SEC24B: variants seen among roughly 807,000 people sequenced by gnomAD.
The protein encoded by SEC24B is protein transport protein Sec24B.
A neutral mutation model predicts 142.8 loss-of-function variants in SEC24B; 45 were observed. The observed-to-expected ratio is 0.32, with a 90% CI of 0.25 to 0.40. The LOEUF is 0.40. Ranked by LOEUF, SEC24B falls within the 10% of genes least tolerant of loss-of-function variation. The probability of loss-of-function intolerance (pLI) is 1.00; values close to 1 mark genes in which losing one functional copy is unlikely to be tolerated. For missense variants in SEC24B, 1,409 were observed against 1,526.8 expected (o/e 0.92, Z 1.29); for synonymous variants, 574 against 568.2 (o/e 1.01, Z -0.15).
intron 1 of SEC24B, among the ~76,000 whole-genome samples, chr4:109,450,435 G>A (rs6817777): frequency 0.32 from 47,980 of 151,646 alleles, 9,314 homozygotes; most frequent in Non-Finnish European, 0.42. Flanking sequence ...AGAGGCGGGT[G>A]GATGATGAGT....
rs1731174014 is a variant in SEC24B at position 109,460,779 on chromosome 4, A to C, written c.134-2122A>C. Among the ~76,000 whole-genome samples, 10 of 150,740 alleles carry C rather than the reference A, an allele frequency of 6.6e-5. No homozygotes were observed. The South Asian group carries it at 2.1e-3, about 31-fold the overall frequency. On this transcript the variant is annotated intron_variant, in intron 1 of 23. Coordinates refer to ENST00000265175, the MANE Select transcript of SEC24B (RefSeq NM_006323.5). Reference sequence around the variant, plus strand: ...TGTAATATATTAATATATTAATATTAATAAGACTAATATTAGGATTAATGT... The same window carrying C: ...TGTAATATATTAATATATTAATATTCATAAGACTAATATTAGGATTAATGT...
intron 22 of SEC24B, among the ~76,000 whole-genome samples, chr4:109,534,228 A>G (rs1363300269): frequency 1.3e-5 from 2 of 151,832 alleles, no homozygotes; most frequent in African/African-American, 4.8e-5. Context: ...TGGATCAAAC[A>G]TTTAAACGTA....
intron 4 of SEC24B, among the ~76,000 whole-genome samples, chr4:109,488,091 T>C (rs1280094567): frequency 6.6e-6 from 1 of 152,184 alleles, no homozygotes; most frequent in Non-Finnish European, 1.5e-5. Flanking sequence ...GCCCATGATA[T>C]TTTTAATAGC....
At chr4:109,532,168 CT>C (rs781541523) in intron 20 of SEC24B, among the ~76,000 whole-genome samples, 2 of 152,064 alleles carry the variant, frequency 1.3e-5, no homozygotes, top group Non-Finnish European at 2.9e-5. Context: ...ATATTGACTG[CT>C]TTTGATAAGA....
rs78910716 is a variant in SEC24B, at chr4:109,530,228, C to G, written c.3077-61C>G. 8.9e-4 allele frequency: 1,276 copies of G among 1,440,334 alleles called. 12 individuals carry two copies. In the African/African-American group the frequency reaches 0.016, roughly 18 times the overall value. The allele number at this position is 1,440,334 out of a possible 1,614,324, so 89.2% of individuals were successfully genotyped here. ...CTTAAATAATGCGTATAAATTTTCT[C>G]TCTTATAGTGCCCATTGGATTCTAA... On this transcript the variant is annotated intron_variant, in intron 18 of 23. Coordinates refer to ENST00000265175, the MANE Select transcript of SEC24B (RefSeq NM_006323.5).
At position 109,510,054 on chromosome 4, in the gene SEC24B, A is replaced by G; in HGVS notation, c.1719A>G (p.Leu573=). Residue 573 remains leucine (L), a synonymous_variant, in exon 8 of 24, where the codon TTA becomes TTG. Coordinates refer to ENST00000265175, the MANE Select transcript of SEC24B (RefSeq NM_006323.5). Reference sequence around the variant, plus strand: ...CAAATATTCCACAGACACAGGCTTTACTGAATAAAGCTAAGCTTCCTTTAG... The same window carrying G: ...CAAATATTCCACAGACACAGGCTTTGCTGAATAAAGCTAAGCTTCCTTTAG... ...TLTNIPQTQA[L]LNKAKLPLGL... 2 of 1,610,680 alleles carry G rather than the reference A, an allele frequency of 1.2e-6. No individual in the cohort carries two copies. Among genetic ancestry groups the G allele is most frequent in the Non-Finnish European group, 1.7e-6 (2 of 1,178,764 alleles).
chr4:109,483,050 ATG>A lies in SEC24B; in HGVS notation c.1165+1271_1165+1272del, dbSNP rs1561117600. On this transcript the variant is annotated intron_variant, in intron 4 of 23. Transcript: ENST00000265175. ...TATATGTATTTATATATATGTATTT[ATG>A]TATTTATATATATATATATATGTAT... 6.0e-4 allele frequency among the ~76,000 whole-genome samples: 78 copies of A among 130,936 alleles called. 1 individual carries two copies. Among genetic ancestry groups the A allele is most frequent in the African/African-American group, 2.2e-3 (73 of 32,724 alleles). The allele number at this position is 130,936 out of a possible 152,430, so 85.9% of individuals were successfully genotyped here.
Position 109,524,818 on chromosome 4 carries a change from G to A in SEC24B, c.2509G>A (p.Val837Met). Residue 837 changes from valine (V) to methionine (M), a missense_variant and splice_region_variant, in exon 15 of 24, where the codon GTG becomes ATG. By Grantham distance (21) the Val-to-Met change is conservative. Around this residue, in one of 2 missense-constraint regions of SEC24B, gnomAD observed 700 missense variants for 853.3 expected, o/e 0.82. Coordinates refer to ENST00000265175, the MANE Select transcript of SEC24B (RefSeq NM_006323.5). ...EDPNQRSSTK[V>M]VQHLGPATDF... Reference sequence around the variant, plus strand: ...CTTACTATATGATCTGTTGACTTAGGTGGTACAACATCTTGGCCCTGCAAC... The same window carrying A: ...CTTACTATATGATCTGTTGACTTAGATGGTACAACATCTTGGCCCTGCAAC... The A allele has an allele frequency of 6.2e-7, 1 of 1,609,676 alleles. No individual in the cohort carries two copies. The highest frequency in any genetic ancestry group is 1.3e-5 in the African/African-American group (1 of 74,766).
chr4:109,501,647 T>C (rs1194389277), intron 6 of SEC24B, among the ~76,000 whole-genome samples: 1 of 152,132 alleles, frequency 6.6e-6, no homozygotes, highest in Non-Finnish European at 1.5e-5. Flanking sequence ...AATTTTTGTG[T>C]TTTTAATAGA....
At chr4:109,462,359 T>C (rs1240652717) in intron 1 of SEC24B, among the ~76,000 whole-genome samples, 1 of 152,072 alleles carries the variant, frequency 6.6e-6, no homozygotes, top group Non-Finnish European at 1.5e-5. Flanking sequence ...CCTAGCTAGG[T>C]GGTTCTGGCT....
chr4:109,466,447 G>T (rs1731875295), intron 2 of SEC24B, among the ~76,000 whole-genome samples: 1 of 152,218 alleles, frequency 6.6e-6, no homozygotes, highest in Non-Finnish European at 1.5e-5. Context: ...GTCTCGCTCT[G>T]TCACCCAGGC....
At chr4:109,448,376 C>T (rs1192063094) in intron 1 of SEC24B, among the ~76,000 whole-genome samples, 2 of 152,090 alleles carry the variant, frequency 1.3e-5, no homozygotes, top group Non-Finnish European at 2.9e-5. Context: ...TAGGTCATTT[C>T]CAGTACCTTT....
At chr4:109,451,169 GTTA>G (rs1160523246) in intron 1 of SEC24B, 1 of 152,026 alleles carries the variant, frequency 6.6e-6, no homozygotes, top group Non-Finnish European at 1.5e-5. Flanking sequence ...ATTTGTGTAT[GTTA>G]TTATAAACTC....
At chr4:109,511,570 C>T (rs78286414) in intron 8 of SEC24B, among the ~76,000 whole-genome samples, 2,242 of 152,284 alleles carry the variant, frequency 0.015, 37 homozygotes, top group African/African-American at 0.038. Context: ...GCCTCAGCTC[C>T]TGTCAGAAGT....
At chr4:109,457,745 A>G (rs1730826260) in intron 1 of SEC24B, among the ~76,000 whole-genome samples, 1 of 152,216 alleles carries the variant, frequency 6.6e-6, no homozygotes, top group Non-Finnish European at 1.5e-5. Context: ...GCTTGTGGCT[A>G]CATCACTCTG....
Position 109,536,078 on chromosome 4 carries a change from AT to A in SEC24B, c.3588+2402del, listed in dbSNP as rs70954161. On this transcript the variant is annotated intron_variant, in intron 22 of 23. Transcript: ENST00000265175. ...CCTTATTACAATCTGTCATTGTTTG[AT>A]TTTTTTTTAAATGACAGATAATCCA... is the stretch of plus-strand genomic sequence containing the variant. 2.1e-4 allele frequency among the ~76,000 whole-genome samples: 32 copies of A among 151,668 alleles called. No individual in the cohort carries two copies. The East Asian group carries it at 4.6e-3, about 22-fold the overall frequency.
Position 109,527,314 on chromosome 4 carries a change from T to C in SEC24B, c.2966-8T>C, listed in dbSNP as rs1561182032. On this transcript the variant is annotated splice_region_variant and splice_polypyrimidine_tract_variant and intron_variant, in intron 17 of 23. Transcript: ENST00000265175. ...GATCTAATGTATTTTCAATGACTTT[T>C]TTTTTAGGTGAGCGGAGAATTAGAG... 1 of 1,581,616 alleles carries C rather than the reference T, an allele frequency of 6.3e-7. No individual in the cohort carries two copies.
intron 5 of SEC24B, among the ~76,000 whole-genome samples, chr4:109,493,737 C>T (rs1021741384): frequency 6.6e-6 from 1 of 151,568 alleles, no homozygotes; most frequent in African/African-American, 2.4e-5. Flanking sequence ...GCTGGGACTA[C>T]AGGTGCCTGC....
intron 2 of SEC24B, among the ~76,000 whole-genome samples, chr4:109,466,653 G>T (rs770085175): frequency 6.6e-6 from 1 of 152,088 alleles, no homozygotes; most frequent in Non-Finnish European, 1.5e-5. Context: ...CTTGTGATCC[G>T]CCCGCCTTGG....
Sources: gnomAD v4.1 joint callset for allele counts (sites outside exome capture counted in the v4.1 genomes callset) on GRCh38, gnomAD v4.1.1 for gene constraint, gnomAD v4.1.1 regional missense constraint, MANE v1.5 for transcripts, NCBI Gene and HGNC (gene_info 2026-07-23, HGNC 2026-07-21) for gene names.